VSIG10L2: variants seen among roughly 807,000 people sequenced by gnomAD.
VSIG10L2 encodes V-set and immunoglobulin domain containing 10 like 2.
In VSIG10L2, 56 loss-of-function variants were observed where a neutral mutation model predicts 67.1. The observed-to-expected ratio is 0.83, with a 90% CI of 0.67 to 1.04. The LOEUF (loss-of-function observed/expected upper bound fraction) is 1.04. VSIG10L2 is among the 50% of genes least tolerant of loss of function. The pLI is 0.00. For missense variants in VSIG10L2, 843 were observed against 932.8 expected, an observed-to-expected ratio of 0.90 and a Z score of 1.25; for synonymous variants, 360 against 396.6, an observed-to-expected ratio of 0.91 and a Z score of 1.10.
chr11:125,954,141 G>A lies in VSIG10L2; in HGVS notation c.1841G>A (p.Arg614Gln), dbSNP rs369929688. The A allele has an allele frequency of 1.2e-4, 151 of 1,232,148 alleles. No individual in the cohort carries two copies. Among genetic ancestry groups the A allele is most frequent in the Non-Finnish European group, 1.5e-4 (144 of 988,078 alleles). The allele number at this position is 1,232,148 out of a possible 1,614,324, so 76.3% of individuals were successfully genotyped here. The change falls in exon 8 of 12, where the codon CGG becomes CAG. Residue 614 changes from arginine (R) to glutamine (Q), a missense_variant. By Grantham distance (43) the Arg-to-Gln change is conservative. Coordinates refer to ENST00000686984, the MANE Select transcript of VSIG10L2 (RefSeq NM_001365077.2). ...AGCCGCCTGACCTACGGGAGGCACC[G>A]GAGAGAGGTGCAGCTTCAATGGGCC... ...TISRLTYGRH[R>Q]REVQLQWAIL...
intron 3 of VSIG10L2, 54 bp from the exon 4 acceptor site, chr11:125,949,960 C>A (rs185661911): frequency 5.7e-5 from 70 of 1,228,872 alleles, no homozygotes; most frequent in Non-Finnish European, 6.4e-5. Context: ...TGAGCATGTG[C>A]GTGAATGAAG....
At chr11:125,947,532 C>G in intron 1 of VSIG10L2, 154 bp from the exon 2 acceptor site, 1 of 985,424 alleles carries the variant, frequency 1.0e-6, no homozygotes, top group Non-Finnish European at 1.2e-6. Flanking sequence ...TGTCTCTTGC[C>G]CACCAACTCC....
Position 125,955,510 on chromosome 11 carries a change from A to T in VSIG10L2, c.2231+4A>T. ...TTGGTCAATTGCTTGTTCCCACGTG[A>T]GTGTGGAACCCCAGTCATCCTGGGG... On this transcript the variant is annotated splice_donor_region_variant and intron_variant, in intron 10 of 11. Coordinates refer to ENST00000686984, the MANE Select transcript of VSIG10L2 (RefSeq NM_001365077.2). 1 of 990,628 alleles carries T rather than the reference A, an allele frequency of 1.0e-6. No individual in the cohort carries two copies. Among genetic ancestry groups the T allele is most frequent in the Non-Finnish European group, 1.5e-6 (1 of 668,316 alleles). The allele number at this position is 990,628 out of a possible 1,614,324, so 61.4% of individuals were successfully genotyped here. A position where few individuals can be genotyped will look rare whatever the true frequency, so the allele number is the denominator to read the frequency against.
chr11:125,950,050 TG>T lies in VSIG10L2; in HGVS notation c.749del (p.Gly250AspfsTer15), dbSNP rs1945345363. On this transcript the variant is annotated frameshift_variant, in exon 4 of 12. Coordinates refer to ENST00000686984, the MANE Select transcript of VSIG10L2 (RefSeq NM_001365077.2). LOFTEE classifies it high-confidence loss of function. ...PDKPVITMEPLGLTEEGFWAS... is the reference protein window; with the variant it reads ...PDKPVITMEPXGLTEEGFWAS... ...AAGCCTGTGATCACCATGGAGCCGC[TG>T]GGACTCACTGAGGAGGGCTTCTGGG... 2 of 1,232,364 alleles carry T rather than the reference TG, an allele frequency of 1.6e-6. No homozygotes were observed. The highest frequency in any genetic ancestry group is 1.0e-6 in the Non-Finnish European group (1 of 988,140). The allele number at this position is 1,232,364 out of a possible 1,614,324, so 76.3% of individuals were successfully genotyped here.
In VSIG10L2 at chr11:125,950,923, A is replaced by G. The variant is rs2134304227; in HGVS notation, c.999A>G (p.Gly333=). 1.6e-6 allele frequency: 2 copies of G among 1,232,594 alleles called. No individual in the cohort carries two copies. The highest frequency in any genetic ancestry group is 3.2e-5 in the East Asian group (1 of 31,722). 76.4% of individuals were successfully genotyped at this position (1,232,594 alleles called of 1,614,324 possible). Residue 333 remains glycine, a synonymous_variant, in exon 5 of 12, where the codon GGA becomes GGG. Transcript: ENST00000686984. ...TTCCCCATCCAGATCCCCCTGAGGG[A>G]CAGCCCTCCTGTGCAGTGCATCCCA... The part of the protein sequence containing the change: ...VQLTIYYPPE[G]QPSCAVHPSP...
In VSIG10L2 at chr11:125,951,855, T is replaced by C. The variant is rs1462096314; in HGVS notation, c.1277T>C (p.Met426Thr). ...GRPTCWSTAT[M>T]GDQFIMLSCE... ...CCTACCTGCTGGAGCACAGCCACAA[T>C]GGGGGACCAGTTCATCATGCTGAGC... Residue 426 changes from methionine to threonine, a missense_variant, in exon 6 of 12, where the codon ATG becomes ACG. Met to Thr is a moderately conservative substitution (Grantham distance 81). Around this residue, in one of 2 missense-constraint regions of VSIG10L2, gnomAD observed 446 missense variants for 548.4 expected, o/e 0.81. Transcript: ENST00000686984. 6.5e-7 allele frequency: 1 copy of C among 1,528,806 alleles called. No homozygotes were observed. The highest frequency in any genetic ancestry group is 8.8e-7 in the Non-Finnish European group (1 of 1,142,210). The allele number at this position is 1,528,806 out of a possible 1,614,324, so 94.7% of individuals were successfully genotyped here.
At chr11:125,948,906 A>G (rs933754595) in intron 3 of VSIG10L2, among the ~76,000 whole-genome samples, 2 of 152,250 alleles carry the variant, frequency 1.3e-5, no homozygotes, top group South Asian at 4.1e-4. Flanking sequence ...TCAGAAACCA[A>G]CAGGACCCCA....
Position 125,954,139 on chromosome 11 carries a change from C to T in VSIG10L2, c.1839C>T (p.His613=). ...TCAGCCGCCTGACCTACGGGAGGCA[C>T]CGGAGAGAGGTGCAGCTTCAATGGG... ...VTISRLTYGR[H]RREVQLQWAI... The change falls in exon 8 of 12, where the codon CAC becomes CAT. Residue 613 remains histidine, a synonymous_variant. Coordinates refer to ENST00000686984, the MANE Select transcript of VSIG10L2 (RefSeq NM_001365077.2). 1 of 1,232,274 alleles carries T rather than the reference C, an allele frequency of 8.1e-7. No individual in the cohort carries two copies. Among genetic ancestry groups the T allele is most frequent in the African/African-American group, 1.5e-5 (1 of 64,536 alleles). 76.3% of individuals were successfully genotyped at this position (1,232,274 alleles called of 1,614,324 possible).
In VSIG10L2 at chr11:125,947,961, T is replaced by C. The variant is rs2134301698; in HGVS notation, c.358T>C (p.Phe120Leu). 1 of 1,232,230 alleles carries C rather than the reference T, an allele frequency of 8.1e-7. No homozygotes were observed. The highest frequency in any genetic ancestry group is 3.2e-5 in the East Asian group (1 of 31,706). The allele number at this position is 1,232,230 out of a possible 1,614,324, so 76.3% of individuals were successfully genotyped here. The change falls in exon 2 of 12, where the codon TTC becomes CTC. Residue 120 changes from phenylalanine (F) to leucine (L), a missense_variant. By Grantham distance (22) the Phe-to-Leu change is conservative. Coordinates refer to ENST00000686984, the MANE Select transcript of VSIG10L2 (RefSeq NM_001365077.2). ...GELHEGARGH[F>L]LCQVLHVAGG... is the part of the protein sequence containing the mutation. ...GCTTCACGAGGGTGCCCGTGGCCAC[T>C]TCCTATGCCAGGTTCTGCACGTGGC...
chr11:125,954,485 G>A (rs1300146623), intron 8 of VSIG10L2, 102 bp downstream of exon 8: 19 of 1,010,782 alleles, frequency 1.9e-5, no homozygotes, highest in Non-Finnish European at 2.3e-5. Context: ...TCCTTTGCTC[G>A]CATCCTACTG....
rs201527205 is a variant in VSIG10L2, at chr11:125,951,302, G to A, written c.1234+144G>A. 11 of 739,634 alleles carry A rather than the reference G, an allele frequency of 1.5e-5. No homozygotes were observed. In the East Asian group the frequency reaches 3.4e-4, roughly 23 times the overall value. The allele number at this position is 739,634 out of a possible 1,614,324, so 45.8% of individuals were successfully genotyped here. ...ACGCCATGTAACAAGGAGGTGGGCG[G>A]CACTCAGCTCTCAGTCCCCATCTCC... On this transcript the variant is annotated intron_variant, in intron 5 of 11. Coordinates refer to ENST00000686984, the MANE Select transcript of VSIG10L2 (RefSeq NM_001365077.2).
chr11:125,954,487 A>G, intron 8 of VSIG10L2, 104 bp downstream of exon 8: 1 of 988,772 alleles, frequency 1.0e-6, no homozygotes, highest in Non-Finnish European at 1.3e-6. Context: ...CTTTGCTCGC[A>G]TCCTACTGAA....
chr11:125,952,238 G>A (rs1945388128), intron 6 of VSIG10L2, among the ~76,000 whole-genome samples, 165 bp downstream of exon 6: 1 of 152,166 alleles, frequency 6.6e-6, no homozygotes, highest in Non-Finnish European at 1.5e-5. Flanking sequence ...AGGGACTCAA[G>A]TTTTCTTTGA....
rs1302823596 is a variant in VSIG10L2 at position 125,951,041 on chromosome 11, G to A, written c.1117G>A (p.Ala373Thr). Reference protein sequence around the residue: ...WEGPQGPGPTAPSNVTWSHAA... With the variant: ...WEGPQGPGPTTPSNVTWSHAA... ...AGGGCCTCAGGGACCTGGCCCTACTGCCCCCAGCAACGTCACCTGGAGTCA... is the reference window on the plus strand; with the variant it reads ...AGGGCCTCAGGGACCTGGCCCTACTACCCCCAGCAACGTCACCTGGAGTCA... Residue 373 changes from alanine (A) to threonine (T), a missense_variant, in exon 5 of 12, where the codon GCC becomes ACC. Transcript: ENST00000686984. The A allele has an allele frequency of 6.5e-6, 8 of 1,232,292 alleles. No individual in the cohort carries two copies. In the East Asian group the frequency reaches 2.5e-4, roughly 39 times the overall value. The allele number at this position is 1,232,292 out of a possible 1,614,324, so 76.3% of individuals were successfully genotyped here.
In VSIG10L2 at chr11:125,948,344, C is replaced by A. The variant is rs888080350; in HGVS notation, c.473C>A (p.Ser158Tyr). Residue 158 changes from serine to tyrosine, a missense_variant, in exon 3 of 12, where the codon TCC becomes TAC. By Grantham distance (144) the Ser-to-Tyr change is moderately radical. Around this residue, in one of 2 missense-constraint regions of VSIG10L2, gnomAD observed 446 missense variants for 548.4 expected, o/e 0.81. Coordinates refer to ENST00000686984, the MANE Select transcript of VSIG10L2 (RefSeq NM_001365077.2). ...SKPQVRLSNP[S>Y]PVEGASVVAT... ...CCTCAAGTGCGACTGAGTAACCCGT[C>A]CCCTGTGGAGGGAGCCTCCGTGGTG... is the stretch of plus-strand genomic sequence containing the variant. 1 of 1,232,526 alleles carries A rather than the reference C, an allele frequency of 8.1e-7. No homozygotes were observed. Among genetic ancestry groups the A allele is most frequent in the Non-Finnish European group, 1.0e-6 (1 of 988,268 alleles). The allele number at this position is 1,232,526 out of a possible 1,614,324, so 76.3% of individuals were successfully genotyped here.
chr11:125,949,935 G>GC, intron 3 of VSIG10L2, 79 bp from the exon 4 acceptor site: 1 of 1,208,026 alleles, frequency 8.3e-7, no homozygotes, highest in Non-Finnish European at 1.0e-6. Flanking sequence ...TAGGATGGAT[G>GC]CATACATTCA....
chr11:125,949,046 G>GT (rs561167437), intron 3 of VSIG10L2, among the ~76,000 whole-genome samples: 19 of 152,232 alleles, frequency 1.2e-4, no homozygotes, highest in Non-Finnish European at 2.6e-4. Flanking sequence ...CCACGCATGT[G>GT]TATCTTCGGT....
rs1294849611 is a variant in VSIG10L2 at position 125,956,194 on chromosome 11, A to T, written c.*280A>T. On this transcript the variant is annotated 3_prime_UTR_variant, in exon 12 of 12. Transcript: ENST00000686984. ...AGGGATCTCTGGGTGTCTGAGGGCA[A>T]GTGAAAGCCATGGTACTGGGAAGGA... The T allele has an allele frequency of 3.4e-6, 2 of 596,264 alleles. No individual in the cohort carries two copies. The highest frequency in any genetic ancestry group is 4.3e-5 in the Admixed American group (2 of 46,626). 36.9% of individuals were successfully genotyped at this position (596,264 alleles called of 1,614,324 possible). A position where few individuals can be genotyped will look rare whatever the true frequency, so the allele number is the denominator to read the frequency against.
At chr11:125,949,045 T>C (rs1945330790) in intron 3 of VSIG10L2, among the ~76,000 whole-genome samples, 1 of 152,228 alleles carries the variant, frequency 6.6e-6, no homozygotes, top group South Asian at 2.1e-4. Context: ...GCCACGCATG[T>C]GTATCTTCGG....
Sources: gnomAD v4.1 joint callset for allele counts (sites outside exome capture counted in the v4.1 genomes callset) on GRCh38, gnomAD v4.1.1 for gene constraint, gnomAD v4.1.1 regional missense constraint, MANE v1.5 for transcripts, NCBI Gene and HGNC (gene_info 2026-07-23, HGNC 2026-07-21) for gene names.